TOX: variants seen among roughly 807,000 people sequenced by gnomAD.
TOX encodes the protein thymocyte selection-associated high mobility group box protein TOX.
A neutral mutation model predicts 53.7 loss-of-function variants in TOX; 11 were observed. The ratio of observed to expected loss-of-function variants is 0.20; its 90% CI spans 0.13 to 0.34. TOX has a LOEUF of 0.34. Among genes scored for constraint, TOX ranks in the 10% least tolerant of loss-of-function variants. The probability of loss-of-function intolerance (pLI) is 1.00; values close to 1 mark genes in which losing one functional copy is unlikely to be tolerated. For missense variants in TOX, 570 were observed against 664.6 expected (o/e 0.86, Z 1.56); for synonymous variants, 225 against 245.3 (o/e 0.92, Z 0.77).
intron 1 of TOX, among the ~76,000 whole-genome samples, chr8:59,024,749 C>T (rs1231593468): frequency 4.6e-5 from 7 of 151,220 alleles, no homozygotes; most frequent in African/African-American, 9.7e-5. Flanking sequence ...TCTTTACCCC[C>T]GAAAAAGAAA....
chr8:58,957,160 G>A (rs923221015), intron 2 of TOX, among the ~76,000 whole-genome samples: 1 of 152,130 alleles, frequency 6.6e-6, no homozygotes, highest in African/African-American at 2.4e-5. Context: ...AAGCAACAAG[G>A]TGCCTTTAGC....
chr8:58,939,681 T>C, intron 2 of TOX, 137 bp from the exon 3 acceptor site: 3 of 1,246,094 alleles, frequency 2.4e-6, no homozygotes, highest in Non-Finnish European at 3.2e-6. Flanking sequence ...CTTCAGATTA[T>C]CCTGCTGCCA....
intron 3 of TOX, among the ~76,000 whole-genome samples, chr8:58,882,646 T>C (rs991234887): frequency 1.9e-4 from 29 of 152,190 alleles, no homozygotes; most frequent in African/African-American, 6.8e-4. Context: ...TTTGAAAAAA[T>C]GTTAAAAAGG....
chr8:58,877,546 C>T (rs899871395), intron 3 of TOX, among the ~76,000 whole-genome samples: 2 of 152,150 alleles, frequency 1.3e-5, no homozygotes, highest in South Asian at 2.1e-4. Flanking sequence ...TCCAACCTTG[C>T]CTGCTGTTTG....
intron 1 of TOX, among the ~76,000 whole-genome samples, chr8:59,054,277 C>G (rs1563431420): frequency 6.6e-6 from 1 of 152,158 alleles, no homozygotes; most frequent in Non-Finnish European, 1.5e-5. Flanking sequence ...AGGTCATTAG[C>G]ATATAGGGAT....
At position 58,965,347 on chromosome 8, in the gene TOX, G is replaced by C. The variant is rs77771271; in HGVS notation, c.103-5339C>G. On this transcript the variant is annotated intron_variant, in intron 1 of 8. Transcript: ENST00000361421. ...TCTTCTACTTCAGTTTTTTGAAATT[G>C]TTTTTAGAGGATATTAACCAAACCC... Among the ~76,000 whole-genome samples the C allele has an allele frequency of 1.6e-4, 25 of 152,198 alleles. No homozygotes were observed. In the East Asian group the frequency reaches 4.4e-3, roughly 27 times the overall value.
chr8:58,959,515 G>A lies in TOX; in HGVS notation c.168+428C>T, dbSNP rs528849602. Among the ~76,000 whole-genome samples the A allele has an allele frequency of 1.2e-4, 18 of 152,156 alleles. No individual in the cohort carries two copies. In the East Asian group the frequency reaches 3.5e-3, roughly 29 times the overall value. The stretch of plus-strand genomic sequence containing the variant: ...GTGAAAGCAGCCTTCTAGCCCCACC[G>A]GCCATGGGATTTGGGTTACGAACGT... On this transcript the variant is annotated intron_variant, in intron 2 of 8. Coordinates refer to ENST00000361421, the MANE Select transcript of TOX (RefSeq NM_014729.3).
At chr8:58,897,226 A>G (rs16924215) in intron 3 of TOX, among the ~76,000 whole-genome samples, 8,798 of 152,166 alleles carry the variant, frequency 0.058, 325 homozygotes, top group East Asian at 0.2. Context: ...ATTTTCTCCA[A>G]TTACCACTCA....
chr8:59,007,411 G>A (rs981302709), intron 1 of TOX, among the ~76,000 whole-genome samples: 2 of 152,082 alleles, frequency 1.3e-5, no homozygotes, highest in Non-Finnish European at 2.9e-5. Flanking sequence ...CCAGGGGAAG[G>A]CAATGTGTGT....
At chr8:58,928,454 A>T (rs1812200693) in intron 3 of TOX, among the ~76,000 whole-genome samples, 1 of 152,262 alleles carries the variant, frequency 6.6e-6, no homozygotes, top group Admixed American at 6.5e-5. Context: ...AATACTAAAG[A>T]CAATGGGATC....
intron 2 of TOX, among the ~76,000 whole-genome samples, chr8:58,954,853 A>T (rs1433994922): frequency 1.3e-5 from 2 of 152,234 alleles, no homozygotes; most frequent in African/African-American, 4.8e-5. Flanking sequence ...GGGTGTTTGA[A>T]CAGGTGGTGT....
chr8:58,809,924 T>C (rs1177839636), intron 7 of TOX, among the ~76,000 whole-genome samples: 1 of 152,190 alleles, frequency 6.6e-6, no homozygotes, highest in African/African-American at 2.4e-5. Context: ...TATTGCAGAC[T>C]GTTTGATGCT....
At chr8:58,966,460 A>G (rs1321358725) in intron 1 of TOX, among the ~76,000 whole-genome samples, 3 of 152,118 alleles carry the variant, frequency 2.0e-5, no homozygotes, top group Non-Finnish European at 4.4e-5. Context: ...CTTGAGTGGT[A>G]AACACTCAAC....
chr8:58,912,887 G>A (rs933056363), intron 3 of TOX, among the ~76,000 whole-genome samples: 2 of 152,150 alleles, frequency 1.3e-5, no homozygotes, highest in Non-Finnish European at 2.9e-5. Flanking sequence ...TTACAGCAGA[G>A]TGTTCTACCT....
At chr8:58,890,370 G>T (rs537417540) in intron 3 of TOX, among the ~76,000 whole-genome samples, 3 of 152,264 alleles carry the variant, frequency 2.0e-5, no homozygotes, top group Non-Finnish European at 4.4e-5. Context: ...ATCTTCAACT[G>T]AACCTGAAGG....
chr8:58,897,388 C>T (rs1811668896), intron 3 of TOX, among the ~76,000 whole-genome samples: 1 of 152,128 alleles, frequency 6.6e-6, no homozygotes, highest in African/African-American at 2.4e-5. Flanking sequence ...AAATCAGAAA[C>T]CTGTGAAGAT....
chr8:58,987,859 G>T (rs1370046435), intron 1 of TOX, among the ~76,000 whole-genome samples: 1 of 152,172 alleles, frequency 6.6e-6, no homozygotes, highest in African/African-American at 2.4e-5. Flanking sequence ...CACTCTGGGT[G>T]GTTCCCCACT....
rs1244796567 is a variant in TOX, at chr8:58,806,698, T to C, written c.*1049A>G. ...TATTCATGTTACTGTAAAAACTAAA[T>C]AATAAAGTATTCACACCAAGCGTGA... On this transcript the variant is annotated 3_prime_UTR_variant, in exon 9 of 9. Coordinates refer to ENST00000361421, the MANE Select transcript of TOX (RefSeq NM_014729.3). 6.6e-6 allele frequency: 1 copy of C among 152,592 alleles called. No homozygotes were observed. Among genetic ancestry groups the C allele is most frequent in the Non-Finnish European group, 1.5e-5 (1 of 68,008 alleles). 9.5% of individuals were successfully genotyped at this position (152,592 alleles called of 1,614,324 possible). A position where few individuals can be genotyped will look rare whatever the true frequency, so the allele number is the denominator to read the frequency against.
At chr8:59,017,996 C>T (rs378617) in intron 1 of TOX, among the ~76,000 whole-genome samples, 10,308 of 152,054 alleles carry the variant, frequency 0.068, 1,042 homozygotes, top group East Asian at 0.41. Context: ...CAATGGCAAA[C>T]GATAGATACA....
Sources: gnomAD v4.1 joint callset for allele counts (sites outside exome capture counted in the v4.1 genomes callset) on GRCh38, gnomAD v4.1.1 for gene constraint, MANE v1.5 for transcripts, NCBI Gene and HGNC (gene_info 2026-07-23, HGNC 2026-07-21) for gene names.